The following MIPEP variants were observed in gnomAD, a reference collection of about 807,000 sequenced individuals.
MIPEP encodes the protein mitochondrial intermediate peptidase.
MIPEP carries 79 observed loss-of-function variants against 90.3 expected under a neutral mutation model. The observed-to-expected ratio is 0.87, with a 90% CI of 0.73 to 1.05. The LOEUF is 1.05. Among genes scored for constraint, MIPEP ranks in the 50% least tolerant of loss-of-function variants. MIPEP has a pLI of 0.00. For synonymous variants in MIPEP, 334 were observed against 315.8 expected, an observed-to-expected ratio of 1.06 and a Z score of -0.61; for missense variants, 940 against 905.6, an observed-to-expected ratio of 1.04 and a Z score of -0.49.
Position 23,822,367 on chromosome 13 carries a change from A to G in MIPEP, c.1654-12443T>C, listed in dbSNP as rs548947594. Among the ~76,000 whole-genome samples the G allele has an allele frequency of 1.6e-3, 243 of 152,366 alleles. 2 individuals are homozygous for G. The highest frequency in any genetic ancestry group is 6.8e-3 in the Middle Eastern group (2 of 294). ...CCTGTCTAATATGCTAAAGTTGCCT[A>G]TAAACTAAAAAGAACTGACTTAAAA... On this transcript the variant is annotated intron_variant, in intron 14 of 18. Coordinates refer to ENST00000382172, the MANE Select transcript of MIPEP (RefSeq NM_005932.4).
At chr13:23,804,764 T>C (rs1031535483) in intron 16 of MIPEP, among the ~76,000 whole-genome samples, 4 of 152,250 alleles carry the variant, frequency 2.6e-5, no homozygotes, top group South Asian at 2.1e-4. Flanking sequence ...TGGACAATTG[T>C]AGTTTATTGA....
At chr13:23,769,439 A>G (rs1952626953) in intron 16 of MIPEP, among the ~76,000 whole-genome samples, 1 of 152,240 alleles carries the variant, frequency 6.6e-6, no homozygotes, top group Non-Finnish European at 1.5e-5. Context: ...TTTGTAGACC[A>G]TGAGATTTTC....
At position 23,730,324 on chromosome 13, in the gene MIPEP, T is replaced by A. The variant is rs1454602266; in HGVS notation, c.*24A>T. The A allele has an allele frequency of 8.8e-6, 13 of 1,473,946 alleles. No homozygotes were observed. The highest frequency in any genetic ancestry group is 1.2e-5 in the Non-Finnish European group (13 of 1,057,960). The allele number at this position is 1,473,946 out of a possible 1,614,324, so 91.3% of individuals were successfully genotyped here. On this transcript the variant is annotated 3_prime_UTR_variant, in exon 19 of 19. Coordinates refer to ENST00000382172, the MANE Select transcript of MIPEP (RefSeq NM_005932.4). ...AAAGTCATTATCTACATGACCTTGA[T>A]TTAAGAGGTGTAGAGTGTTTCTTTT...
At chr13:23,738,390 G>C (rs1952287534) in intron 18 of MIPEP, among the ~76,000 whole-genome samples, 2 of 151,296 alleles carry the variant, frequency 1.3e-5, no homozygotes, top group Admixed American at 1.3e-4. Context: ...TTCCAATGTG[G>C]CCCAGGGAAG....
intron 14 of MIPEP, among the ~76,000 whole-genome samples, chr13:23,813,395 T>C (rs982705029): frequency 6.6e-6 from 1 of 152,138 alleles, no homozygotes; most frequent in Non-Finnish European, 1.5e-5. Context: ...AATGATACGG[T>C]ATTTGCATAT....
intron 14 of MIPEP, among the ~76,000 whole-genome samples, chr13:23,832,460 G>T (rs957272512): frequency 6.6e-6 from 1 of 151,858 alleles, no homozygotes; most frequent in Admixed American, 6.6e-5. Flanking sequence ...AATAACAAGG[G>T]GATCCCACTT....
In MIPEP at chr13:23,806,036, C is replaced by A; in HGVS notation, c.1762G>T (p.Gly588Trp). Residue 588 changes from glycine (G) to tryptophan (W), a missense_variant, in exon 16 of 19, where the codon GGG becomes TGG. Physicochemically the swap from Gly to Trp is radical, Grantham distance 184. Transcript: ENST00000382172. ...GTTGAATTCCTCAGGGGATGCTTCC[C>A]ATGGTAGATTTGATCCAGAGTGGCA... is the stretch of plus-strand genomic sequence containing the variant. ...FYATLDQIYH[G>W]KHPLRNSTTD... 6.2e-7 allele frequency: 1 copy of A among 1,613,516 alleles called. No individual in the cohort carries two copies. The highest frequency in any genetic ancestry group is 8.5e-7 in the Non-Finnish European group (1 of 1,179,536).
chr13:23,797,886 T>C (rs149901815), intron 16 of MIPEP, among the ~76,000 whole-genome samples: 2 of 152,338 alleles, frequency 1.3e-5, no homozygotes, highest in African/African-American at 2.4e-5. Flanking sequence ...AGCAATTTGA[T>C]AGGCTTGAGA....
intron 16 of MIPEP, among the ~76,000 whole-genome samples, chr13:23,804,986 C>G (rs1402036888): frequency 6.6e-6 from 1 of 152,136 alleles, no homozygotes; most frequent in Non-Finnish European, 1.5e-5. Context: ...ATGAAAGGAA[C>G]CCAGAAAAAC....
At chr13:23,811,425 G>C (rs527641859) in intron 14 of MIPEP, among the ~76,000 whole-genome samples, 13 of 152,210 alleles carry the variant, frequency 8.5e-5, no homozygotes, top group Middle Eastern at 6.8e-3. Context: ...GAAAAATTTG[G>C]TTTATAGTTA....
At chr13:23,743,562 GCT>G (rs1285902868) in intron 18 of MIPEP, among the ~76,000 whole-genome samples, 1 of 152,180 alleles carries the variant, frequency 6.6e-6, no homozygotes, top group Non-Finnish European at 1.5e-5. Context: ...CACATATGAG[GCT>G]CTCTCTGTCT....
chr13:23,765,496 T>C (rs775389441), intron 16 of MIPEP, among the ~76,000 whole-genome samples: 8 of 152,170 alleles, frequency 5.3e-5, no homozygotes, highest in African/African-American at 9.7e-5. Context: ...ATATATAGAG[T>C]TCAGTACTAT....
chr13:23,816,450 G>A (rs957196474), intron 14 of MIPEP, among the ~76,000 whole-genome samples: 2 of 152,078 alleles, frequency 1.3e-5, no homozygotes, highest in African/African-American at 4.8e-5. Flanking sequence ...TTCATCGAGT[G>A]TATGGATGAG....
At chr13:23,866,406 A>T (rs1160670219) in intron 7 of MIPEP, among the ~76,000 whole-genome samples, 1 of 152,192 alleles carries the variant, frequency 6.6e-6, no homozygotes, top group African/African-American at 2.4e-5. Context: ...CACACCAAGC[A>T]CTTAGTGCAC....
At chr13:23,764,436 G>A (rs763732419) in intron 16 of MIPEP, among the ~76,000 whole-genome samples, 1 of 152,188 alleles carries the variant, frequency 6.6e-6, no homozygotes, top group Admixed American at 6.5e-5. Flanking sequence ...AGGTAGCAAT[G>A]AGCCATTTAC....
At chr13:23,838,749 C>T (rs1869167203) in intron 12 of MIPEP, among the ~76,000 whole-genome samples, 1 of 152,170 alleles carries the variant, frequency 6.6e-6, no homozygotes, top group Admixed American at 6.5e-5. Flanking sequence ...GTTGAGTCTC[C>T]ACCACCCACC....
intron 10 of MIPEP, among the ~76,000 whole-genome samples, chr13:23,852,383 G>A (rs1869835937): frequency 6.6e-6 from 1 of 152,236 alleles, no homozygotes; most frequent in African/African-American, 2.4e-5. Context: ...GTATAAGACT[G>A]AGATGACATG....
chr13:23,809,813 G>A (rs771057198), intron 15 of MIPEP, 37 bp downstream of exon 15: 5 of 1,309,742 alleles, frequency 3.8e-6, no homozygotes, highest in Admixed American at 3.7e-5. Flanking sequence ...TTGGGATAAT[G>A]ACTCCGGAAA....
At chr13:23,789,714 C>G (rs907326082) in intron 16 of MIPEP, among the ~76,000 whole-genome samples, 60 of 152,348 alleles carry the variant, frequency 3.9e-4, no homozygotes, top group African/African-American at 1.4e-3. Flanking sequence ...CCATGCCCTT[C>G]TTGTTGACCC....
Sources: allele counts gnomAD v4.1 joint callset (sites outside exome capture counted in the v4.1 genomes callset), GRCh38; gene constraint gnomAD v4.1.1; transcripts MANE v1.5; gene names NCBI Gene and HGNC (gene_info 2026-07-23, HGNC 2026-07-21).